Variants in FBXW7 observed in about 807,000 individuals in gnomAD.
FBXW7 encodes the protein F-box and WD repeat domain containing 7.
A neutral mutation model predicts 86.3 loss-of-function variants in FBXW7; 11 were observed. The ratio of observed to expected loss-of-function variants is 0.13; its 90% CI spans 0.08 to 0.21. The LOEUF (loss-of-function observed/expected upper bound fraction) is 0.21, where lower values mean the gene tolerates loss of function less well. Ranked by LOEUF, FBXW7 falls within the 10% of genes least tolerant of loss-of-function variation. The pLI is 1.00. For missense variants in FBXW7, 488 were observed against 847.4 expected (o/e 0.58, Z 5.27); for synonymous variants, 313 against 297.9 (o/e 1.05, Z -0.52).
intron 2 of FBXW7, among the ~76,000 whole-genome samples, chr4:152,468,910 T>C (rs975253078): frequency 1.3e-5 from 2 of 152,094 alleles, no homozygotes; most frequent in Non-Finnish European, 2.9e-5. Flanking sequence ...AGTTACCACC[T>C]TCTAAAGTAG....
intron 2 of FBXW7, among the ~76,000 whole-genome samples, chr4:152,452,330 A>G (rs1741983668): frequency 1.3e-5 from 2 of 152,238 alleles, no homozygotes; most frequent in South Asian, 4.1e-4. Flanking sequence ...AGAATCACTA[A>G]AAATCTTTGC....
At chr4:152,425,308 C>A (rs1739281291) in intron 2 of FBXW7, among the ~76,000 whole-genome samples, 1 of 152,162 alleles carries the variant, frequency 6.6e-6, no homozygotes, top group Non-Finnish European at 1.5e-5. Context: ...CAATTCCATA[C>A]CCCACAATTC....
chr4:152,528,212 C>T (rs1749701622), intron 2 of FBXW7, among the ~76,000 whole-genome samples: 1 of 152,150 alleles, frequency 6.6e-6, no homozygotes, highest in Non-Finnish European at 1.5e-5. Context: ...CATGCTATCT[C>T]TTTCTTACAG....
intron 2 of FBXW7, among the ~76,000 whole-genome samples, chr4:152,500,919 TTTGA>T (rs1328010871): frequency 2.6e-5 from 4 of 152,346 alleles, no homozygotes; most frequent in African/African-American, 9.6e-5. Context: ...TTACCATGCA[TTTGA>T]TTAATATTAA....
intron 4 of FBXW7, among the ~76,000 whole-genome samples, chr4:152,359,518 G>A (rs1553961230): frequency 6.6e-6 from 1 of 152,110 alleles, no homozygotes; most frequent in Non-Finnish European, 1.5e-5. Flanking sequence ...CAGGAGGATC[G>A]TTTGAGGTTG....
intron 2 of FBXW7, among the ~76,000 whole-genome samples, chr4:152,413,870 G>A (rs1260571774): frequency 3.3e-5 from 5 of 152,106 alleles, no homozygotes; most frequent in Non-Finnish European, 7.4e-5. Flanking sequence ...TTAAAACAGT[G>A]ATTTCAGAGA....
At position 152,525,891 on chromosome 4, in the gene FBXW7, A is replaced by AC. The variant is rs554486318; in HGVS notation, c.-120+9049dup. On this transcript the variant is annotated intron_variant, in intron 2 of 13. Transcript: ENST00000281708. ...TTAAGGAATCGCGATACTGATTTCC[A>AC]CAATGGTTGAACTAATTTACACTCC... 1.2e-4 allele frequency among the ~76,000 whole-genome samples: 18 copies of AC among 152,344 alleles called. No homozygotes were observed. The South Asian group carries it at 2.9e-3, about 25-fold the overall frequency.
At chr4:152,482,188 G>A (rs1744937319) in intron 2 of FBXW7, among the ~76,000 whole-genome samples, 1 of 152,100 alleles carries the variant, frequency 6.6e-6, no homozygotes, top group Non-Finnish European at 1.5e-5. Context: ...CCTCCAGCAG[G>A]AAAAAGATTA....
At chr4:152,327,994 T>C (rs4419460) in intron 11 of FBXW7, among the ~76,000 whole-genome samples, 145,643 of 151,918 alleles carry the variant, frequency 0.96, 70,110 homozygotes, top group East Asian at 1. Flanking sequence ...AACAGGAAGC[T>C]GACAACACTA....
At chr4:152,500,761 C>T (rs985895101) in intron 2 of FBXW7, among the ~76,000 whole-genome samples, 1 of 152,082 alleles carries the variant, frequency 6.6e-6, no homozygotes, top group Admixed American at 6.6e-5. Context: ...GTCCGCAATT[C>T]CCCATATACA....
intron 2 of FBXW7, among the ~76,000 whole-genome samples, chr4:152,510,497 T>C (rs191423038): frequency 6.6e-6 from 1 of 152,286 alleles, no homozygotes; most frequent in East Asian, 1.9e-4. Context: ...ACCTTACTCA[T>C]TGTTTTCAGA....
intron 4 of FBXW7, among the ~76,000 whole-genome samples, chr4:152,376,938 A>C (rs1259670107): frequency 6.6e-6 from 1 of 151,924 alleles, no homozygotes; most frequent in Non-Finnish European, 1.5e-5. Flanking sequence ...ATAACTAAAA[A>C]GGAAAAAAAA....
At chr4:152,455,801 A>C (rs968532461) in intron 2 of FBXW7, among the ~76,000 whole-genome samples, 1 of 152,182 alleles carries the variant, frequency 6.6e-6, no homozygotes, top group East Asian at 1.9e-4. Flanking sequence ...CCTCTGCTGC[A>C]GTCATTCATC....
intron 2 of FBXW7, among the ~76,000 whole-genome samples, chr4:152,493,621 A>G (rs958171708): frequency 6.6e-6 from 1 of 152,174 alleles, no homozygotes; most frequent in African/African-American, 2.4e-5. Context: ...TTCATCTTCC[A>G]GGCCCTAATC....
chr4:152,430,867 T>C (rs1739832359), intron 2 of FBXW7, among the ~76,000 whole-genome samples: 2 of 152,212 alleles, frequency 1.3e-5, no homozygotes, highest in East Asian at 3.9e-4. Flanking sequence ...AACTACATTA[T>C]ATTTATTTTT....
At chr4:152,440,619 T>G (rs1391341665) in intron 2 of FBXW7, among the ~76,000 whole-genome samples, 1 of 152,158 alleles carries the variant, frequency 6.6e-6, no homozygotes, top group Non-Finnish European at 1.5e-5. Context: ...AACAGGTATA[T>G]CCTGAAATGT....
At chr4:152,511,841 T>C (rs1410930661) in intron 2 of FBXW7, among the ~76,000 whole-genome samples, 1 of 152,154 alleles carries the variant, frequency 6.6e-6, no homozygotes, top group Non-Finnish European at 1.5e-5. Context: ...TCTAAGTGTA[T>C]GTGTGTGTAA....
At chr4:152,521,904 C>T (rs1245257689) in intron 2 of FBXW7, among the ~76,000 whole-genome samples, 2 of 149,904 alleles carry the variant, frequency 1.3e-5, no homozygotes, top group Non-Finnish European at 3.0e-5. Flanking sequence ...CTGCAACCTC[C>T]GTCTCCCTGG....
chr4:152,456,605 G>T (rs1204443669), intron 2 of FBXW7, among the ~76,000 whole-genome samples: 1 of 152,036 alleles, frequency 6.6e-6, no homozygotes, highest in Non-Finnish European at 1.5e-5. Flanking sequence ...AGATGTGAAT[G>T]GCAAACAAGC....
Sources: allele counts gnomAD v4.1 joint callset (sites outside exome capture counted in the v4.1 genomes callset), GRCh38; gene constraint gnomAD v4.1.1; transcripts MANE v1.5; gene names NCBI Gene and HGNC (gene_info 2026-07-23, HGNC 2026-07-21).